The following PTPRN2 variants were observed in gnomAD, a reference collection of about 807,000 sequenced individuals.
The protein encoded by PTPRN2 is protein tyrosine phosphatase receptor type N2.
PTPRN2 carries 74 observed loss-of-function variants against 118.8 expected under a neutral mutation model. The observed-to-expected ratio is 0.62, with a 90% confidence interval of 0.52 to 0.76. The LOEUF is 0.76. PTPRN2 is among the 30% of genes least tolerant of loss of function. The probability of loss-of-function intolerance (pLI) is 0.00; values close to 1 mark genes in which losing one functional copy is unlikely to be tolerated. For synonymous variants in PTPRN2, 641 were observed against 608.0 expected (o/e 1.05, Z -0.80); for missense variants, 1,481 against 1,394.4 (o/e 1.06, Z -0.99).
chr7:158,184,552 T>C (rs1388788988), intron 5 of PTPRN2, among the ~76,000 whole-genome samples: 1 of 152,242 alleles, frequency 6.6e-6, no homozygotes, highest in Non-Finnish European at 1.5e-5. Context: ...TCTTGTTTTA[T>C]TGCACTGGCT....
At chr7:157,602,246 C>T (rs1044729582) in intron 16 of PTPRN2, among the ~76,000 whole-genome samples, 1 of 152,258 alleles carries the variant, frequency 6.6e-6, no homozygotes, top group African/African-American at 2.4e-5. Context: ...AATTCAGTCT[C>T]TCAAAGCTGA....
intron 12 of PTPRN2, among the ~76,000 whole-genome samples, chr7:157,841,508 A>G (rs1808418414): frequency 6.6e-6 from 1 of 152,180 alleles, no homozygotes; most frequent in African/African-American, 2.4e-5. Context: ...CCCCCAAAGG[A>G]ACCCTAAATT....
intron 9 of PTPRN2, among the ~76,000 whole-genome samples, 182 bp from the exon 10 acceptor site, chr7:158,111,097 G>A (rs1363519441): frequency 6.6e-6 from 1 of 152,208 alleles, no homozygotes; most frequent in Non-Finnish European, 1.5e-5. Flanking sequence ...AAGACAAACA[G>A]TGCAGTGCGG....
At chr7:157,644,301 C>G (rs987197829) in intron 14 of PTPRN2, among the ~76,000 whole-genome samples, 2 of 152,188 alleles carry the variant, frequency 1.3e-5, no homozygotes, top group African/African-American at 4.8e-5. Flanking sequence ...GGAGAGAGAC[C>G]TCAGGAGGAA....
intron 6 of PTPRN2, among the ~76,000 whole-genome samples, chr7:158,164,427 A>G (rs1261743984): frequency 1.5e-5 from 2 of 135,846 alleles, no homozygotes; most frequent in South Asian, 2.6e-4. Context: ...AAGGGCTCGC[A>G]GAGCAGGAGG....
chr7:157,666,272 G>A (rs756111274), intron 13 of PTPRN2, among the ~76,000 whole-genome samples: 4 of 152,104 alleles, frequency 2.6e-5, no homozygotes, highest in Admixed American at 6.5e-5. Context: ...AGGTCCCTGC[G>A]TCTCAGTATA....
At chr7:157,926,675 C>A (rs1314024547) in intron 11 of PTPRN2, among the ~76,000 whole-genome samples, 2 of 152,228 alleles carry the variant, frequency 1.3e-5, no homozygotes, top group Non-Finnish European at 2.9e-5. Context: ...CACTCTGTAG[C>A]TGCATTCACT....
At chr7:157,747,149 G>C (rs1468043433) in intron 12 of PTPRN2, among the ~76,000 whole-genome samples, 2 of 138,442 alleles carry the variant, frequency 1.4e-5, no homozygotes, top group African/African-American at 5.6e-5. Context: ...GGGCTGTTGA[G>C]GTGATTCTGA....
intron 2 of PTPRN2, among the ~76,000 whole-genome samples, chr7:158,376,526 G>T (rs1810529486): frequency 8.0e-6 from 1 of 124,326 alleles, no homozygotes; most frequent in African/African-American, 3.2e-5. Context: ...TCCTGAGAGG[G>T]GGGTCAGGGG....
At chr7:157,976,266 G>C (rs1316491544) in intron 11 of PTPRN2, among the ~76,000 whole-genome samples, 1 of 152,206 alleles carries the variant, frequency 6.6e-6, no homozygotes, top group Non-Finnish European at 1.5e-5. Flanking sequence ...TTCCCAGGAG[G>C]CGCTGATGAG....
At chr7:158,183,821 G>C (rs1443620189) in intron 5 of PTPRN2, among the ~76,000 whole-genome samples, 1 of 152,042 alleles carries the variant, frequency 6.6e-6, no homozygotes, top group Non-Finnish European at 1.5e-5. Context: ...AAGGTTCTGT[G>C]GTTTCTTTTA....
chr7:158,072,218 G>A (rs1423909370), intron 11 of PTPRN2, among the ~76,000 whole-genome samples: 1 of 152,056 alleles, frequency 6.6e-6, no homozygotes, highest in Non-Finnish European at 1.5e-5. Context: ...AAGGACTCTT[G>A]TCCAATAATG....
chr7:158,420,923 C>A (rs190670091), intron 2 of PTPRN2, among the ~76,000 whole-genome samples: 9 of 152,176 alleles, frequency 5.9e-5, no homozygotes, highest in Non-Finnish European at 8.8e-5. Flanking sequence ...GGCTTACAGA[C>A]GCCCTGGGTT....
rs1461102199 is a variant in PTPRN2 at position 158,441,323 on chromosome 7, GGTGA to G, written c.163+48408_163+48411del. ...TGATAGTAATGGTGATGGCAATGAA[GGTGA>G]TGGTGATGGTGATCAGTGATGGTGG... On this transcript the variant is annotated intron_variant, in intron 2 of 22. Coordinates refer to ENST00000389418, the MANE Select transcript of PTPRN2 (RefSeq NM_002847.5). Among the ~76,000 whole-genome samples the G allele has an allele frequency of 1.2e-4, 17 of 144,050 alleles. 3 individuals are homozygous for G. Among genetic ancestry groups the G allele is most frequent in the African/African-American group, 3.7e-4 (14 of 37,600 alleles). The allele number at this position is 144,050 out of a possible 152,430, so 94.5% of individuals were successfully genotyped here.
rs1165874240 is a variant in PTPRN2 at position 158,173,529 on chromosome 7, AC to A, written c.550-6239del. Among the ~76,000 whole-genome samples, 10 of 152,308 alleles carry A rather than the reference AC, an allele frequency of 6.6e-5. No individual in the cohort carries two copies. The East Asian group carries it at 1.9e-3, about 29-fold the overall frequency. ...CAAGGCAGGGGGTGAAATTAGAATT[AC>A]TGATGAGTGTCCCACTGGGCATGCA... On this transcript the variant is annotated intron_variant, in intron 5 of 22. Coordinates refer to ENST00000389418, the MANE Select transcript of PTPRN2 (RefSeq NM_002847.5).
intron 2 of PTPRN2, among the ~76,000 whole-genome samples, chr7:158,334,840 C>A (rs1466302572): frequency 2.5e-5 from 1 of 40,000 alleles, no homozygotes; most frequent in Admixed American, 2.7e-4. Flanking sequence ...TAAGAGGTGA[C>A]ACCTGCAGAC....
intron 9 of PTPRN2, among the ~76,000 whole-genome samples, chr7:158,114,049 G>C (rs1338744326): frequency 1.3e-5 from 2 of 152,214 alleles, no homozygotes; most frequent in African/African-American, 2.4e-5. Flanking sequence ...CTGGAGCCCA[G>C]GACAGTGTAT....
intron 20 of PTPRN2, 62 bp from the exon 21 acceptor site, chr7:157,569,028 A>C: frequency 2.1e-6 from 3 of 1,450,524 alleles, no homozygotes; most frequent in Admixed American, 1.7e-5. Context: ...ACCCACAACA[A>C]AGCTAGTGAC....
intron 11 of PTPRN2, among the ~76,000 whole-genome samples, chr7:158,020,807 A>G (rs546155644): frequency 6.6e-6 from 1 of 152,294 alleles, no homozygotes; most frequent in Non-Finnish European, 1.5e-5. Context: ...TTGCTGAATA[A>G]AAAGGGAAGA....
Sources: allele counts gnomAD v4.1 joint callset (sites outside exome capture counted in the v4.1 genomes callset), GRCh38; gene constraint gnomAD v4.1.1; transcripts MANE v1.5; gene names NCBI Gene and HGNC (gene_info 2026-07-23, HGNC 2026-07-21).